The following SPON1 variants were observed in gnomAD, a reference collection of about 807,000 sequenced individuals.
SPON1 encodes spondin-1.
SPON1 carries 52 observed loss-of-function variants against 111.7 expected under a neutral mutation model. That is an observed-to-expected ratio of 0.47 (90% CI 0.37 to 0.59). The LOEUF is 0.59. SPON1 is among the 20% of genes least tolerant of loss of function. The pLI is 0.00. For missense variants in SPON1, 957 were observed against 1,068.5 expected, an observed-to-expected ratio of 0.90 and a Z score of 1.46; for synonymous variants, 410 against 395.8, an observed-to-expected ratio of 1.04 and a Z score of -0.43.
At chr11:14,012,848 G>T (rs985741039) in intron 2 of SPON1, among the ~76,000 whole-genome samples, 1 of 152,088 alleles carries the variant, frequency 6.6e-6, no homozygotes, top group Admixed American at 6.6e-5. Flanking sequence ...ATTGGCTCTC[G>T]GTAGTTAATA....
chr11:14,191,513 C>T (rs1554934553), intron 6 of SPON1, among the ~76,000 whole-genome samples: 1 of 152,170 alleles, frequency 6.6e-6, no homozygotes, highest in African/African-American at 2.4e-5. Context: ...AGGACCCGCA[C>T]ACTGTGAAAC....
chr11:14,028,729 C>A (rs1848537397), intron 2 of SPON1, among the ~76,000 whole-genome samples: 2 of 152,144 alleles, frequency 1.3e-5, no homozygotes, highest in African/African-American at 2.4e-5. Flanking sequence ...GGGCTCTGTA[C>A]ACAGGACATC....
intron 6 of SPON1, 105 bp from the exon 7 acceptor site, chr11:14,243,227 A>G: frequency 2.7e-6 from 3 of 1,096,676 alleles, no homozygotes; most frequent in East Asian, 5.2e-5. Context: ...GAAAAGCCCC[A>G]ACAGCAGGTG....
chr11:14,259,614 C>T lies in SPON1; in HGVS notation c.1744C>T (p.His582Tyr). ...ATCGMGMKKR[H>Y]RMIKMNPADG... is the part of the protein sequence containing the mutation. ...CTGCGGCATGGGCATGAAGAAGCGG[C>T]ACCGCATGATCAAGATGAACCCCGC... The change falls in exon 13 of 16, where the codon CAC (histidine) becomes TAC (tyrosine). Residue 582 changes from histidine (H) to tyrosine (Y), a missense_variant. Physicochemically the swap from His to Tyr is moderately conservative, Grantham distance 83 (BLOSUM62 2). Transcript: ENST00000576479. The surrounding 1 kb of genome is among the most constrained non-coding windows in gnomAD (Gnocchi z 5.0). 2 of 1,558,898 alleles carry T rather than the reference C, an allele frequency of 1.3e-6. No individual in the cohort carries two copies. Among genetic ancestry groups the T allele is most frequent in the Non-Finnish European group, 1.7e-6 (2 of 1,151,442 alleles).
intron 5 of SPON1, among the ~76,000 whole-genome samples, chr11:14,129,299 T>G (rs1397838740): frequency 6.6e-6 from 1 of 152,186 alleles, no homozygotes; most frequent in Non-Finnish European, 1.5e-5. Flanking sequence ...GCTTTTAGAA[T>G]CAACCAGGTC....
intron 6 of SPON1, among the ~76,000 whole-genome samples, chr11:14,196,592 G>T (rs1848404955): frequency 6.6e-6 from 1 of 152,230 alleles, no homozygotes; most frequent in Admixed American, 6.5e-5. Flanking sequence ...TTTCCAACCA[G>T]TGGTCTTTCC....
At chr11:13,965,614 A>G (rs142131858) in intron 1 of SPON1, among the ~76,000 whole-genome samples, 1 of 152,324 alleles carries the variant, frequency 6.6e-6, no homozygotes, top group East Asian at 1.9e-4. Context: ...AGATTGGGCA[A>G]TCATCTTTTC....
At chr11:13,978,552 C>G (rs1239777315) in intron 1 of SPON1, among the ~76,000 whole-genome samples, 1 of 152,156 alleles carries the variant, frequency 6.6e-6, no homozygotes, top group East Asian at 1.9e-4. Context: ...TTACTAAGGA[C>G]TTTACACATA....
At chr11:13,974,528 C>A (rs1199479817) in intron 1 of SPON1, among the ~76,000 whole-genome samples, 1 of 152,058 alleles carries the variant, frequency 6.6e-6, no homozygotes, top group Non-Finnish European at 1.5e-5. Context: ...ATTTGAAAGA[C>A]CCAGAAAGCT....
chr11:13,983,236 G>T (rs535602437), intron 2 of SPON1, among the ~76,000 whole-genome samples: 3 of 152,248 alleles, frequency 2.0e-5, no homozygotes, highest in Non-Finnish European at 4.4e-5. Context: ...AGCACTTGGA[G>T]CCCTGGCTAG....
chr11:14,225,436 A>G (rs1174799967), intron 6 of SPON1, among the ~76,000 whole-genome samples: 1 of 152,162 alleles, frequency 6.6e-6, no homozygotes, highest in Non-Finnish European at 1.5e-5. Flanking sequence ...CTGAGTAAGG[A>G]AATGCTTGAT....
intron 2 of SPON1, among the ~76,000 whole-genome samples, chr11:13,986,668 C>T (rs1848187708): frequency 6.6e-6 from 1 of 151,714 alleles, no homozygotes; most frequent in Admixed American, 6.6e-5. Context: ...CACTCATAAA[C>T]CCGTCACCTA....
chr11:14,103,266 C>T (rs778165836), intron 5 of SPON1, among the ~76,000 whole-genome samples: 2 of 152,156 alleles, frequency 1.3e-5, no homozygotes, highest in Non-Finnish European at 2.9e-5. Flanking sequence ...AGGTTCTAAT[C>T]CCCAGCCCTG....
At chr11:14,115,473 T>C (rs987132948) in intron 5 of SPON1, among the ~76,000 whole-genome samples, 1 of 152,234 alleles carries the variant, frequency 6.6e-6, no homozygotes. Context: ...TTTGGCCTGT[T>C]TTAAAACATT....
At chr11:14,227,728 AT>A (rs1848755542) in intron 6 of SPON1, among the ~76,000 whole-genome samples, 1 of 152,142 alleles carries the variant, frequency 6.6e-6, no homozygotes, top group Non-Finnish European at 1.5e-5. Context: ...TATTATCCCC[AT>A]TTTACCAATG....
intron 5 of SPON1, among the ~76,000 whole-genome samples, chr11:14,090,488 T>C (rs868945353): frequency 1.2e-4 from 18 of 152,144 alleles, no homozygotes; most frequent in Admixed American, 1.0e-3. Context: ...TCTCTTCTGA[T>C]GTTCAGATGT....
chr11:14,090,823 G>GCCACCCCC (rs1360339677), intron 5 of SPON1, among the ~76,000 whole-genome samples: 5 of 27,054 alleles, frequency 1.8e-4, no homozygotes, highest in Admixed American at 6.6e-4. Context: ...TCTCTTATCT[G>GCCACCCCC]GCCCCCCCCC....
chr11:13,964,960 T>A (rs1192641011), intron 1 of SPON1, among the ~76,000 whole-genome samples: 1 of 146,848 alleles, frequency 6.8e-6, no homozygotes, highest in Admixed American at 6.9e-5. Context: ...TCATTTAATT[T>A]CTCTGCACCT....
At chr11:14,221,928 G>A (rs1459972609) in intron 6 of SPON1, among the ~76,000 whole-genome samples, 17 of 152,162 alleles carry the variant, frequency 1.1e-4, no homozygotes, top group Admixed American at 1.1e-3. Flanking sequence ...GTCACTCCCA[G>A]CCCTCAGTGA....
Sources: gnomAD v4.1 joint callset for allele counts (sites outside exome capture counted in the v4.1 genomes callset) on GRCh38, gnomAD v4.1.1 for gene constraint, Gnocchi (gnomAD v3.1) non-coding constraint, MANE v1.5 for transcripts, NCBI Gene and HGNC (gene_info 2026-07-23, HGNC 2026-07-21) for gene names.